The following KCTD8 variants were observed in gnomAD, a reference collection of about 807,000 sequenced individuals.
KCTD8 encodes potassium channel tetramerization domain containing 8.
Under a neutral mutation model 31.5 loss-of-function variants are expected in KCTD8, and 27 were observed. The ratio of observed to expected loss-of-function variants is 0.86; its 90% CI spans 0.63 to 1.18. KCTD8 has a LOEUF of 1.18. Ranked by LOEUF, KCTD8 falls within the 50% of genes most tolerant of loss-of-function variation. The pLI is 0.00. For missense variants in KCTD8, 658 were observed against 647.7 expected (o/e 1.02, Z -0.17); for synonymous variants, 290 against 280.0 (o/e 1.04, Z -0.36).
At chr4:44,187,788 T>C (rs763339229) in intron 1 of KCTD8, among the ~76,000 whole-genome samples, 5 of 152,120 alleles carry the variant, frequency 3.3e-5, no homozygotes, top group Non-Finnish European at 7.4e-5. Context: ...ACTCTGTTAA[T>C]ATAGGTTGGG....
intron 1 of KCTD8, among the ~76,000 whole-genome samples, chr4:44,446,214 G>A (rs531669733): frequency 5.9e-5 from 9 of 152,278 alleles, no homozygotes; most frequent in Non-Finnish European, 8.8e-5. Context: ...GCTTGCACCT[G>A]TGCAAGGAGA....
chr4:44,359,936 G>T (rs1316918666), intron 1 of KCTD8, among the ~76,000 whole-genome samples: 2 of 151,920 alleles, frequency 1.3e-5, no homozygotes, highest in African/African-American at 4.8e-5. Flanking sequence ...AAAAATAAGG[G>T]ACATTATTTC....
chr4:44,301,286 C>A (rs1306581776), intron 1 of KCTD8, among the ~76,000 whole-genome samples: 3 of 152,122 alleles, frequency 2.0e-5, no homozygotes, highest in Non-Finnish European at 4.4e-5. Flanking sequence ...CCTGAGGAAT[C>A]GCCACACTGA....
Position 44,215,067 on chromosome 4 carries a change from A to G in KCTD8, c.962-39817T>C, listed in dbSNP as rs551792732. On this transcript the variant is annotated intron_variant, in intron 1 of 1. Coordinates refer to ENST00000360029, the MANE Select transcript of KCTD8 (RefSeq NM_198353.3). ...CTCAAGAGGGCAGCTTTGACTCCCT[A>G]TGATTTCCAATCAATCAACACTCCC... Among the ~76,000 whole-genome samples, 372 of 152,284 alleles carry G rather than the reference A, an allele frequency of 2.4e-3. 3 individuals carry two copies. Among genetic ancestry groups the G allele is most frequent in the Non-Finnish European group, 4.7e-3 (321 of 68,004 alleles).
At chr4:44,246,582 G>A (rs754297281) in intron 1 of KCTD8, among the ~76,000 whole-genome samples, 6 of 151,804 alleles carry the variant, frequency 4.0e-5, no homozygotes, top group African/African-American at 7.3e-5. Context: ...TCTTTGGCTC[G>A]GATTCACTTT....
At chr4:44,246,833 T>A (rs1715680452) in intron 1 of KCTD8, among the ~76,000 whole-genome samples, 1 of 152,062 alleles carries the variant, frequency 6.6e-6, no homozygotes, top group South Asian at 2.1e-4. Flanking sequence ...ACCTTTGAGA[T>A]GTAGAGCACA....
chr4:44,424,763 T>C (rs78308225), intron 1 of KCTD8, among the ~76,000 whole-genome samples: 7,661 of 152,110 alleles, frequency 0.05, 395 homozygotes, highest in East Asian at 0.2. Context: ...GTTCTGCTAA[T>C]TTAATCAATA....
intron 1 of KCTD8, among the ~76,000 whole-genome samples, chr4:44,431,391 C>T (rs1312732266): frequency 1.3e-5 from 2 of 151,428 alleles, no homozygotes; most frequent in Non-Finnish European, 3.0e-5. Flanking sequence ...GGATAAAGAT[C>T]TTACTTATTT....
chr4:44,206,166 C>T (rs995703293), intron 1 of KCTD8, among the ~76,000 whole-genome samples: 1 of 151,712 alleles, frequency 6.6e-6, no homozygotes, highest in East Asian at 1.9e-4. Flanking sequence ...TAACAAGAGC[C>T]CTGGCTTTAA....
chr4:44,443,421 T>A (rs1337512025), intron 1 of KCTD8, among the ~76,000 whole-genome samples: 1 of 152,186 alleles, frequency 6.6e-6, no homozygotes, highest in Non-Finnish European at 1.5e-5. Context: ...TAGCCCAGGA[T>A]TGAATAGCTG....
At chr4:44,353,823 C>T (rs1223825335) in intron 1 of KCTD8, among the ~76,000 whole-genome samples, 1 of 152,096 alleles carries the variant, frequency 6.6e-6, no homozygotes, top group East Asian at 1.9e-4. Context: ...TTAATACTGT[C>T]TCTAATCACT....
At chr4:44,300,617 T>C (rs2109391796) in intron 1 of KCTD8, among the ~76,000 whole-genome samples, 1 of 152,304 alleles carries the variant, frequency 6.6e-6, no homozygotes, top group Admixed American at 6.5e-5. Flanking sequence ...AACAAGAGAA[T>C]GTACTGTTAT....
At chr4:44,317,508 G>A (rs1275310928) in intron 1 of KCTD8, among the ~76,000 whole-genome samples, 1 of 151,492 alleles carries the variant, frequency 6.6e-6, no homozygotes, top group Non-Finnish European at 1.5e-5. Flanking sequence ...CAAAGTGCTG[G>A]GATTACAGGC....
intron 1 of KCTD8, among the ~76,000 whole-genome samples, chr4:44,427,935 T>G (rs1331546704): frequency 6.6e-6 from 1 of 151,720 alleles, no homozygotes; most frequent in East Asian, 1.9e-4. Flanking sequence ...AAAATAAAAC[T>G]ATGAAGTTAA....
intron 1 of KCTD8, among the ~76,000 whole-genome samples, chr4:44,359,053 T>C (rs936651963): frequency 6.6e-6 from 1 of 152,234 alleles, no homozygotes; most frequent in Non-Finnish European, 1.5e-5. Flanking sequence ...TTGTAGATTC[T>C]GGATATTAGC....
chr4:44,427,981 C>T (rs1721387944), intron 1 of KCTD8, among the ~76,000 whole-genome samples: 1 of 151,736 alleles, frequency 6.6e-6, no homozygotes, highest in Non-Finnish European at 1.5e-5. Context: ...TTTTTGACAT[C>T]TTATGATAGC....
chr4:44,401,018 T>TC (rs1379638228), intron 1 of KCTD8, among the ~76,000 whole-genome samples: 6 of 138,540 alleles, frequency 4.3e-5, no homozygotes, highest in African/African-American at 1.6e-4. Flanking sequence ...TTTCTTTTTT[T>TC]TTTTTTTTTT....
intron 1 of KCTD8, among the ~76,000 whole-genome samples, chr4:44,221,353 G>GTA (rs1714802519): frequency 6.6e-6 from 1 of 151,640 alleles, no homozygotes; most frequent in African/African-American, 2.4e-5. Context: ...GTGCATGTGT[G>GTA]TGTGTGTGTG....
intron 1 of KCTD8, among the ~76,000 whole-genome samples, chr4:44,249,770 T>C (rs1715772407): frequency 6.6e-6 from 1 of 151,554 alleles, no homozygotes; most frequent in African/African-American, 2.4e-5. Context: ...CTTCTCTCTC[T>C]TTCCTTCCCT....
Sources: gnomAD v4.1 joint callset for allele counts (sites outside exome capture counted in the v4.1 genomes callset) on GRCh38, gnomAD v4.1.1 for gene constraint, MANE v1.5 for transcripts, NCBI Gene and HGNC (gene_info 2026-07-23, HGNC 2026-07-21) for gene names.